The following CKAP2L variants were observed in gnomAD, a reference collection of about 807,000 sequenced individuals.
CKAP2L encodes the protein cytoskeleton associated protein 2L.
CKAP2L carries 42 observed loss-of-function variants against 65.7 expected under a neutral mutation model. That is an observed-to-expected ratio of 0.64 (90% CI 0.50 to 0.83). The LOEUF (loss-of-function observed/expected upper bound fraction) is 0.83, where lower values mean the gene tolerates loss of function less well. Ranked by LOEUF, CKAP2L falls within the 40% of genes least tolerant of loss-of-function variation. The pLI is 0.00. For missense variants in CKAP2L, 908 were observed against 871.0 expected (o/e 1.04, Z -0.53); for synonymous variants, 325 against 313.5 (o/e 1.04, Z -0.39).
chr2:112,739,326 T>A (rs1445950779), intron 8 of CKAP2L, among the ~76,000 whole-genome samples: 7 of 151,944 alleles, frequency 4.6e-5, no homozygotes, highest in Non-Finnish European at 1.0e-4. Context: ...GAGGGTGAAG[T>A]GGGAGGACTG....
rs566640864 is a variant in CKAP2L, at chr2:112,752,319, A to C, written c.1550T>G (p.Leu517Arg). 1 of 1,614,036 alleles carries C rather than the reference A, an allele frequency of 6.2e-7. No individual in the cohort carries two copies. Among genetic ancestry groups the C allele is most frequent in the Non-Finnish European group, 8.5e-7 (1 of 1,179,946 alleles). Residue 517 changes from leucine (L) to arginine (R), a missense_variant, in exon 5 of 9, where the codon CTG (leucine) becomes CGG (arginine). Leu to Arg is a moderately radical substitution (Grantham distance 102, BLOSUM62 -2). Transcript: ENST00000302450. ...EEEEKKAQLE[L>R]SSKINNTLTE... is the part of the protein sequence containing the mutation. ...CAGAGTGTTGTTAATTTTACTGGAC[A>C]GTTCGAGTTGTGCTTTCTTTTCTTC...
chr2:112,764,541 G>GT, intron 1 of CKAP2L, 21 bp downstream of exon 1: 1 of 1,613,776 alleles, frequency 6.2e-7, no homozygotes, highest in Non-Finnish European at 8.5e-7. Flanking sequence ...TGAGAATAAC[G>GT]GGAACAGCGG....
At chr2:112,751,458 G>GATC (rs530168955) in intron 5 of CKAP2L, among the ~76,000 whole-genome samples, 231 of 152,250 alleles carry the variant, frequency 1.5e-3, no homozygotes, top group African/African-American at 5.3e-3. Context: ...GGAGAGGGCT[G>GATC]ATCATTTATC....
intron 8 of CKAP2L, 33 bp downstream of exon 8, chr2:112,740,785 G>T: frequency 1.3e-6 from 2 of 1,548,642 alleles, no homozygotes; most frequent in Non-Finnish European, 1.8e-6. Flanking sequence ...AATTAAGTCT[G>T]TGAACACAAA....
intron 2 of CKAP2L, among the ~76,000 whole-genome samples, chr2:112,761,336 CT>C (rs1680713618): frequency 6.6e-6 from 1 of 151,888 alleles, no homozygotes; most frequent in Non-Finnish European, 1.5e-5. Context: ...TGGCACATGC[CT>C]GTTGTCCCAG....
At chr2:112,742,643 G>A (rs1248535913) in intron 7 of CKAP2L, 63 bp downstream of exon 7, 4 of 1,096,846 alleles carry the variant, frequency 3.6e-6, no homozygotes, top group Non-Finnish European at 5.5e-6. Context: ...TTTCCTATAT[G>A]TCCTGGATGA....
In CKAP2L at chr2:112,738,859, CAGCGCCTCATT is replaced by C. The variant is rs750766047; in HGVS notation, c.2191_2201del (p.Asn731AlafsTer10). On this transcript the variant is annotated frameshift_variant, in exon 9 of 9. Coordinates refer to ENST00000302450, the MANE Select transcript of CKAP2L (RefSeq NM_152515.5). LOFTEE classifies it high-confidence loss of function. ...GGGTTTGAAACCCCAATGTTACAGG[CAGCGCCTCATT>C]TCTACGGAATATAAAACATTTTGTT... 6.2e-7 allele frequency: 1 copy of C among 1,613,622 alleles called. No homozygotes were observed. The highest frequency in any genetic ancestry group is 1.1e-5 in the South Asian group (1 of 91,070).
At chr2:112,753,911 G>A (rs1283826674) in intron 4 of CKAP2L, among the ~76,000 whole-genome samples, 2 of 152,066 alleles carry the variant, frequency 1.3e-5, no homozygotes, top group Admixed American at 1.3e-4. Context: ...CCTCCATGAA[G>A]ACGCAATTAC....
chr2:112,753,523 T>C (rs1680441286), intron 4 of CKAP2L, among the ~76,000 whole-genome samples: 1 of 107,278 alleles, frequency 9.3e-6, no homozygotes, highest in Admixed American at 1.2e-4. Flanking sequence ...TAAAGTTTCT[T>C]TTCTTTTTTT....
intron 1 of CKAP2L, among the ~76,000 whole-genome samples, chr2:112,764,337 A>G (rs1348598156): frequency 6.6e-6 from 1 of 152,210 alleles, no homozygotes; most frequent in Non-Finnish European, 1.5e-5. Context: ...GGCTTTCTGG[A>G]AATACGCCCG....
chr2:112,748,594 G>A (rs1402310540), intron 5 of CKAP2L, among the ~76,000 whole-genome samples: 1 of 152,194 alleles, frequency 6.6e-6, no homozygotes, highest in Non-Finnish European at 1.5e-5. Context: ...GCAGTGGGTG[G>A]TTCACACCTG....
At chr2:112,753,526 C>CTTTTTTTTTT (rs59027525) in intron 4 of CKAP2L, among the ~76,000 whole-genome samples, 16 of 100,396 alleles carry the variant, frequency 1.6e-4, no homozygotes, top group Non-Finnish European at 2.7e-4. Flanking sequence ...AGTTTCTTTT[C>CTTTTTTTTTT]TTTTTTTTTT....
At chr2:112,758,510 G>A (rs184874692) in intron 3 of CKAP2L, among the ~76,000 whole-genome samples, 86 of 152,258 alleles carry the variant, frequency 5.6e-4, no homozygotes, top group Admixed American at 2.7e-3. Context: ...GGATGATAGC[G>A]GTGTGTGTGG....
At chr2:112,760,197 G>A (rs1457663296) in intron 3 of CKAP2L, among the ~76,000 whole-genome samples, 1 of 152,122 alleles carries the variant, frequency 6.6e-6, no homozygotes, top group Non-Finnish European at 1.5e-5. Flanking sequence ...TGATTAGGAA[G>A]CATATACTTG....
chr2:112,738,150 G>C lies in CKAP2L; in HGVS notation c.*673C>G, dbSNP rs1356587355. ...CTCCCCTGCCCCCCTTTTGTTACTTGAAGTGTTTCTGAGTAACAAATGCAA... is the reference window on the plus strand; with the variant it reads ...CTCCCCTGCCCCCCTTTTGTTACTTCAAGTGTTTCTGAGTAACAAATGCAA... On this transcript the variant is annotated 3_prime_UTR_variant, in exon 9 of 9. Transcript: ENST00000302450. 6.6e-6 allele frequency: 1 copy of C among 151,956 alleles called. No homozygotes were observed. The highest frequency in any genetic ancestry group is 1.5e-5 in the Non-Finnish European group (1 of 68,064). The allele number at this position is 151,956 out of a possible 1,614,324, so 9.4% of individuals were successfully genotyped here.
At position 112,756,865 on chromosome 2, in the gene CKAP2L, A is replaced by T; in HGVS notation, c.506T>A (p.Ile169Asn). The change falls in exon 4 of 9, where the codon ATC becomes AAC. Residue 169 changes from isoleucine (I) to asparagine (N), a missense_variant. By Grantham distance (149) the Ile-to-Asn change is moderately radical (BLOSUM62 -3). Coordinates refer to ENST00000302450, the MANE Select transcript of CKAP2L (RefSeq NM_152515.5). The stretch of plus-strand genomic sequence containing the variant: ...ATCCAAAGATTCGTTTTCAACATGG[A>T]TATTATTCATAAAGTCTATACATTT... ...NGKCIDFMNN[I>N]HVENESLDNF... 1.9e-6 allele frequency: 3 copies of T among 1,607,390 alleles called. No homozygotes were observed. Among genetic ancestry groups the T allele is most frequent in the Non-Finnish European group, 8.5e-7 (1 of 1,178,090 alleles).
chr2:112,753,049 C>T (rs1680425962), intron 4 of CKAP2L, among the ~76,000 whole-genome samples: 1 of 152,174 alleles, frequency 6.6e-6, no homozygotes, highest in South Asian at 2.1e-4. Context: ...ATTTTCCACT[C>T]CAGCTTCTAA....
chr2:112,745,442 C>T (rs905871929), intron 6 of CKAP2L, among the ~76,000 whole-genome samples: 4 of 151,586 alleles, frequency 2.6e-5, no homozygotes, highest in South Asian at 4.2e-4. Flanking sequence ...TGCAGTGGCC[C>T]GATCTCGGCT....
At chr2:112,748,337 A>G (rs1046603372) in intron 5 of CKAP2L, among the ~76,000 whole-genome samples, 1 of 152,244 alleles carries the variant, frequency 6.6e-6, no homozygotes, top group Non-Finnish European at 1.5e-5. Context: ...GACGTGAGAC[A>G]TTAACAAATC....
Sources: gnomAD v4.1 joint callset for allele counts (sites outside exome capture counted in the v4.1 genomes callset) on GRCh38, gnomAD v4.1.1 for gene constraint, MANE v1.5 for transcripts, NCBI Gene and HGNC (gene_info 2026-07-23, HGNC 2026-07-21) for gene names.